Variants in RAB11A observed in about 807,000 individuals in gnomAD.
RAB11A encodes the protein ras-related protein Rab-11A.
In RAB11A, 9 loss-of-function variants were observed where a neutral mutation model predicts 28.0. That is an observed-to-expected ratio of 0.32 (90% CI 0.19 to 0.56). RAB11A has a LOEUF of 0.56. Among genes scored for constraint, RAB11A ranks in the 20% least tolerant of loss-of-function variants. The pLI, the probability that RAB11A is intolerant of heterozygous loss-of-function variation, is 0.91. For missense variants in RAB11A, 108 were observed against 269.6 expected (o/e 0.40, Z 4.20); for synonymous variants, 85 against 88.2 (o/e 0.96, Z 0.20).
At chr15:65,871,004 G>A (rs190938915) in intron 1 of RAB11A, among the ~76,000 whole-genome samples, 184 of 152,296 alleles carry the variant, frequency 1.2e-3, no homozygotes, top group African/African-American at 4.2e-3. Context: ...GTAGCCATCA[G>A]TAGTGTGCCG....
intron 3 of RAB11A, among the ~76,000 whole-genome samples, chr15:65,878,830 A>G (rs1443553489): frequency 1.3e-5 from 2 of 152,376 alleles, no homozygotes; most frequent in African/African-American, 4.8e-5. Flanking sequence ...ACGGAATACT[A>G]TAGCCAATGT....
At position 65,890,816 on chromosome 15, in the gene RAB11A, A is replaced by G. The variant is rs2078288554; in HGVS notation, c.*2976A>G. 6.6e-6 allele frequency: 1 copy of G among 152,242 alleles called. No individual in the cohort carries two copies. Among genetic ancestry groups the G allele is most frequent in the Non-Finnish European group, 1.5e-5 (1 of 68,048 alleles). The allele number at this position is 152,242 out of a possible 1,614,324, so 9.4% of individuals were successfully genotyped here. On this transcript the variant is annotated 3_prime_UTR_variant, in exon 5 of 5. Transcript: ENST00000261890. ...AATTCAAAGGCTGGGTGGATATTTA[A>G]GAACTTATTCTAACCTGTCAGGTTT...
chr15:65,879,745 T>C lies in RAB11A; in HGVS notation c.505T>C (p.Leu169=), dbSNP rs754964465. 2.2e-5 allele frequency: 34 copies of C among 1,569,286 alleles called. 1 individual carries two copies. The South Asian group carries it at 3.6e-4, about 16-fold the overall frequency. Residue 169 remains leucine (L), a synonymous_variant, in exon 4 of 5, where the codon TTA becomes CTA. Coordinates refer to ENST00000261890, the MANE Select transcript of RAB11A (RefSeq NM_004663.5). Reference sequence around the variant, plus strand: ...TGTAGAAGCTGCTTTTCAGACAATTTTAACAGGTAAGACTTGTATTTTCAG... The same window carrying C: ...TGTAGAAGCTGCTTTTCAGACAATTCTAACAGGTAAGACTTGTATTTTCAG... The part of the protein sequence containing the change: ...TNVEAAFQTI[L]TEIYRIVSQK...
rs752901974 is a variant in RAB11A, at chr15:65,877,504, G to A, written c.213G>A (p.Glu71=). The A allele has an allele frequency of 6.8e-6, 11 of 1,614,018 alleles. No homozygotes were observed. Among genetic ancestry groups the A allele is most frequent in the Non-Finnish European group, 9.3e-6 (11 of 1,180,004 alleles). The part of the protein sequence containing the change: ...KAQIWDTAGQ[E]RYRAITSAYY... ...AGATATGGGACACAGCAGGGCAAGAGCGATATCGAGCTATAACATCAGCGT... is the reference window on the plus strand; with the variant it reads ...AGATATGGGACACAGCAGGGCAAGAACGATATCGAGCTATAACATCAGCGT... The change falls in exon 2 of 5, where the codon GAG becomes GAA. Residue 71 remains glutamate, a synonymous_variant. Coordinates refer to ENST00000261890, the MANE Select transcript of RAB11A (RefSeq NM_004663.5). The surrounding 1 kb of genome is among the most constrained non-coding windows in gnomAD (Gnocchi z 4.1).
intron 1 of RAB11A, among the ~76,000 whole-genome samples, chr15:65,871,665 CCTT>C (rs1340509845): frequency 2.0e-5 from 3 of 152,116 alleles, no homozygotes; most frequent in South Asian, 2.1e-4. Flanking sequence ...ATTAGACCAT[CCTT>C]CTAGCAACAA....
At position 65,877,632 on chromosome 15, in the gene RAB11A, C is replaced by A; in HGVS notation, c.236+105C>A. 7.4e-7 allele frequency: 1 copy of A among 1,356,992 alleles called. No individual in the cohort carries two copies. Among genetic ancestry groups the A allele is most frequent in the Non-Finnish European group, 1.0e-6 (1 of 1,001,738 alleles). 84.1% of individuals were successfully genotyped at this position (1,356,992 alleles called of 1,614,324 possible). The stretch of plus-strand genomic sequence containing the variant: ...CTGTTGTTTTTTTCTTTTAAGAATT[C>A]TAGTATTAGGAATCCTTAGAAATTT... On this transcript the variant is annotated intron_variant, in intron 2 of 4. Transcript: ENST00000261890. This position sits in a 1 kb window ranked among gnomAD's most constrained non-coding sequence, Gnocchi z 4.1.
chr15:65,880,731 C>T (rs2078216901), intron 4 of RAB11A, among the ~76,000 whole-genome samples: 2 of 152,158 alleles, frequency 1.3e-5, no homozygotes, highest in Non-Finnish European at 2.9e-5. Flanking sequence ...AGTCCTGGCT[C>T]CTCCACTTAC....
In RAB11A at chr15:65,891,066, T is replaced by A. The variant is rs2078291236; in HGVS notation, c.*3226T>A. On this transcript the variant is annotated 3_prime_UTR_variant, in exon 5 of 5. Transcript: ENST00000261890. ...CGGAACAGATAGGGAGCTATGACAC[T>A]AGCACCAAAGAGAGATTTTTCTTCT... is the stretch of plus-strand genomic sequence containing the variant. The A allele has an allele frequency of 2.6e-5, 4 of 152,234 alleles. No individual in the cohort carries two copies. In the South Asian group the frequency reaches 8.3e-4, roughly 31 times the overall value. 9.4% of individuals were successfully genotyped at this position (152,234 alleles called of 1,614,324 possible).
chr15:65,874,227 C>CTT (rs1005009654), intron 1 of RAB11A, among the ~76,000 whole-genome samples: 4 of 141,252 alleles, frequency 2.8e-5, no homozygotes, highest in Admixed American at 7.1e-5. Flanking sequence ...TAGTTGATAA[C>CTT]TTTTTTTTTT....
Position 65,869,597 on chromosome 15 carries a change from C to A in RAB11A, c.12C>A (p.Arg4=), listed in dbSNP as rs150316502. 3 of 1,611,404 alleles carry A rather than the reference C, an allele frequency of 1.9e-6. No individual in the cohort carries two copies. Among genetic ancestry groups the A allele is most frequent in the African/African-American group, 2.7e-5 (2 of 74,924 alleles). The change falls in exon 1 of 5, where the codon CGC becomes CGA. Residue 4 remains arginine, a synonymous_variant. Coordinates refer to ENST00000261890, the MANE Select transcript of RAB11A (RefSeq NM_004663.5). MGT[R]DDEYDYLFKV... ...TCCTCGGCCGCGCAATGGGCACCCG[C>A]GACGACGAGTACGACTACCTCTTTA...
In RAB11A at chr15:65,891,470, T is replaced by C. The variant is rs996049811; in HGVS notation, c.*3630T>C. 2 of 152,246 alleles carry C rather than the reference T, an allele frequency of 1.3e-5. No individual in the cohort carries two copies. Among genetic ancestry groups the C allele is most frequent in the African/African-American group, 4.8e-5 (2 of 41,472 alleles). 9.4% of individuals were successfully genotyped at this position (152,246 alleles called of 1,614,324 possible). On this transcript the variant is annotated 3_prime_UTR_variant, in exon 5 of 5. Transcript: ENST00000261890. Reference sequence around the variant, plus strand: ...TAGCTGGTATGATAGAGCACTGGACTGAGTAACGAAGAGATTCTAGTCATG... The same window carrying C: ...TAGCTGGTATGATAGAGCACTGGACCGAGTAACGAAGAGATTCTAGTCATG...
rs1323529956 is a variant in RAB11A, at chr15:65,890,477, T to G, written c.*2637T>G. On this transcript the variant is annotated 3_prime_UTR_variant, in exon 5 of 5. Transcript: ENST00000261890. ...CTCTTTAATAGTAGTTGTCATTATGTAAGGGTAAGTTATTGCCCATTTAAT... is the reference window on the plus strand; with the variant it reads ...CTCTTTAATAGTAGTTGTCATTATGGAAGGGTAAGTTATTGCCCATTTAAT... 1 of 152,208 alleles carries G rather than the reference T, an allele frequency of 6.6e-6. No homozygotes were observed. The highest frequency in any genetic ancestry group is 1.9e-4 in the East Asian group (1 of 5,208). 9.4% of individuals were successfully genotyped at this position (152,208 alleles called of 1,614,324 possible). A position where few individuals can be genotyped will look rare whatever the true frequency, so the allele number is the denominator to read the frequency against.
chr15:65,881,877 T>TA (rs57352123), intron 4 of RAB11A, among the ~76,000 whole-genome samples: 2,783 of 86,270 alleles, frequency 0.032, 49 homozygotes, highest in Non-Finnish European at 0.048. Context: ...ACCCTGTCTC[T>TA]AAAAAAAAAA....
rs1410267068 is a variant in RAB11A at position 65,877,034 on chromosome 15, A to G, written c.41-298A>G. 6.6e-6 allele frequency among the ~76,000 whole-genome samples: 1 copy of G among 152,240 alleles called. No homozygotes were observed. The highest frequency in any genetic ancestry group is 2.4e-5 in the African/African-American group (1 of 41,454). ...TAATTAATGCCTGTCATCAATGCCA[A>G]GGGCATCTGTGATTAAAACTGCATG... On this transcript the variant is annotated intron_variant, in intron 1 of 4. Transcript: ENST00000261890. This position sits in a 1 kb window ranked among gnomAD's most constrained non-coding sequence, Gnocchi z 4.1.
chr15:65,869,665 C>A, intron 1 of RAB11A, 40 bp downstream of exon 1: 1 of 1,588,854 alleles, frequency 6.3e-7, no homozygotes, highest in South Asian at 1.1e-5. Context: ...AGTCCTCGTT[C>A]GGGGACCCGG....
intron 1 of RAB11A, among the ~76,000 whole-genome samples, chr15:65,872,742 A>G (rs543886043): frequency 6.6e-6 from 1 of 152,198 alleles, no homozygotes; most frequent in Admixed American, 6.5e-5. Context: ...CCAGATTTCT[A>G]CTTTTTTAAA....
At chr15:65,875,572 C>T (rs1233736913) in intron 1 of RAB11A, among the ~76,000 whole-genome samples, 1 of 152,212 alleles carries the variant, frequency 6.6e-6, no homozygotes, top group East Asian at 1.9e-4. Context: ...GCATCTTTGA[C>T]ACCCTCTAGT....
chr15:65,880,464 A>G (rs917563111), intron 4 of RAB11A, among the ~76,000 whole-genome samples: 8 of 152,196 alleles, frequency 5.3e-5, no homozygotes, highest in African/African-American at 1.9e-4. Flanking sequence ...TTTAAATTGT[A>G]TGTTACTTTT....
chr15:65,881,280 AT>A (rs1240426355), intron 4 of RAB11A, among the ~76,000 whole-genome samples: 1 of 152,120 alleles, frequency 6.6e-6, no homozygotes, highest in African/African-American at 2.4e-5. Flanking sequence ...CTTTATAGCC[AT>A]TTGTGTACAT....
Sources: allele counts gnomAD v4.1 joint callset (sites outside exome capture counted in the v4.1 genomes callset), GRCh38; gene constraint gnomAD v4.1.1; non-coding constraint Gnocchi (gnomAD v3.1); transcripts MANE v1.5; gene names NCBI Gene and HGNC (gene_info 2026-07-23, HGNC 2026-07-21).